CBLIF: variants seen among roughly 807,000 people sequenced by gnomAD.
CBLIF encodes cobalamin binding intrinsic factor.
In CBLIF, 24 loss-of-function variants were observed where a neutral mutation model predicts 44.9. That is an observed-to-expected ratio of 0.53 (90% confidence interval 0.39 to 0.75). CBLIF has a LOEUF of 0.75. Ranked by LOEUF, CBLIF falls within the 30% of genes least tolerant of loss-of-function variation. The pLI, the probability that CBLIF is intolerant of heterozygous loss-of-function variation, is 0.00. For synonymous variants in CBLIF, 183 were observed against 190.9 expected (o/e 0.96, Z 0.34); for missense variants, 481 against 513.0 (o/e 0.94, Z 0.60).
At chr11:59,832,562 C>G (rs755107120) in intron 7 of CBLIF, among the ~76,000 whole-genome samples, 1 of 151,994 alleles carries the variant, frequency 6.6e-6, no homozygotes, top group Non-Finnish European at 1.5e-5. Flanking sequence ...CTGAAGAGGG[C>G]AGATTGCTTG....
chr11:59,836,753 C>T (rs1225935692), intron 6 of CBLIF, among the ~76,000 whole-genome samples: 2 of 152,144 alleles, frequency 1.3e-5, no homozygotes, highest in Non-Finnish European at 2.9e-5. Flanking sequence ...AATACTTACT[C>T]GATTGTCCCA....
chr11:59,830,013 A>T (rs2135080537), intron 8 of CBLIF, among the ~76,000 whole-genome samples: 1 of 152,312 alleles, frequency 6.6e-6, no homozygotes, highest in Non-Finnish European at 1.5e-5. Flanking sequence ...GTAAGACATA[A>T]GAAAGAGCAG....
At chr11:59,831,571 CAT>C in intron 8 of CBLIF, 105 bp downstream of exon 8, 1 of 697,406 alleles carries the variant, frequency 1.4e-6, no homozygotes, top group Non-Finnish European at 2.6e-6. Context: ...CACATGATCT[CAT>C]AATTATTAAT....
chr11:59,839,554 A>C (rs1866496354), intron 5 of CBLIF, among the ~76,000 whole-genome samples: 1 of 152,118 alleles, frequency 6.6e-6, no homozygotes, highest in Non-Finnish European at 1.5e-5. Context: ...GAGCCCTTTG[A>C]TTTTCTATAT....
At chr11:59,833,755 A>G (rs1261731827) in intron 7 of CBLIF, among the ~76,000 whole-genome samples, 2 of 152,300 alleles carry the variant, frequency 1.3e-5, no homozygotes, top group South Asian at 4.1e-4. Flanking sequence ...AAAAGAAAAG[A>G]TGCTTTTTTC....
Position 59,835,903 on chromosome 11 carries a change from C to G in CBLIF, c.978G>C (p.Glu326Asp). The change falls in exon 7 of 9, where the codon GAG becomes GAC. Residue 326 changes from glutamate to aspartate, a missense_variant. Glu to Asp is a conservative substitution (Grantham distance 45). Coordinates refer to ENST00000257248, the MANE Select transcript of CBLIF (RefSeq NM_005142.3). ...CATTGATGGTCTCGTTGAAGAGCAG[C>G]TCAACCCCCCTCAGCTGGTTATTTA... The part of the protein sequence containing the change: ...YTINNQLRGV[E>D]LLFNETINVS... 6.2e-7 allele frequency: 1 copy of G among 1,613,914 alleles called. No homozygotes were observed. Among genetic ancestry groups the G allele is most frequent in the Non-Finnish European group, 8.5e-7 (1 of 1,179,796 alleles).
chr11:59,843,791 TG>T, intron 2 of CBLIF, 87 bp downstream of exon 2: 3 of 963,810 alleles, frequency 3.1e-6, no homozygotes, highest in Non-Finnish European at 5.1e-6. Flanking sequence ...GAGGCAGCAT[TG>T]GGGTGGGAAG....
rs761350186 is a variant in CBLIF at position 59,843,018 on chromosome 11, C to T, written c.370+10G>A. Reference sequence around the variant, plus strand: ...GCCTGACTCTTTTCTCCCTTCCAGTCAGGTCTTACTGGAAGGTGCCCAGTT... The same window carrying T: ...GCCTGACTCTTTTCTCCCTTCCAGTTAGGTCTTACTGGAAGGTGCCCAGTT... On this transcript the variant is annotated intron_variant, in intron 3 of 8. Coordinates refer to ENST00000257248, the MANE Select transcript of CBLIF (RefSeq NM_005142.3). 4 of 1,432,124 alleles carry T rather than the reference C, an allele frequency of 2.8e-6. No individual in the cohort carries two copies. In the African/African-American group the frequency reaches 5.6e-5, roughly 20 times the overall value. The allele number at this position is 1,432,124 out of a possible 1,614,324, so 88.7% of individuals were successfully genotyped here. A position where few individuals can be genotyped will look rare whatever the true frequency, so the allele number is the denominator to read the frequency against.
Position 59,841,826 on chromosome 11 carries a change from C to T in CBLIF, c.512-502G>A, listed in dbSNP as rs79296931. Among the ~76,000 whole-genome samples, 63 of 152,046 alleles carry T rather than the reference C, an allele frequency of 4.1e-4. No homozygotes were observed. The East Asian group carries it at 7.0e-3, about 17-fold the overall frequency. ...AGAGGAGAAAAGGTGATCATGAATG[C>T]GGGCTGTGACAGTGGCCCCCACAGA... On this transcript the variant is annotated intron_variant, in intron 4 of 8. Transcript: ENST00000257248.
In CBLIF at chr11:59,843,880, G is replaced by A. The variant is rs754251539; in HGVS notation, c.255C>T (p.Asn85=). 6 of 1,610,820 alleles carry A rather than the reference G, an allele frequency of 3.7e-6. No homozygotes were observed. The highest frequency in any genetic ancestry group is 3.5e-4 in the Middle Eastern group (2 of 5,696). The change falls in exon 2 of 9, where the codon AAC becomes AAT. Residue 85 remains asparagine, a splice_region_variant and synonymous_variant. Coordinates refer to ENST00000257248, the MANE Select transcript of CBLIF (RefSeq NM_005142.3). The stretch of plus-strand genomic sequence containing the variant: ...GTGCGAGCGGCTCAGATGTCTCACC[G>A]TTGTTGTCGCTGGACATGAGCTGGT... The part of the protein sequence containing the change: ...LTYQLMSSDN[N]DLTIGQLGLT...
intron 7 of CBLIF, 65 bp downstream of exon 7, chr11:59,835,743 T>TG: frequency 7.8e-7 from 1 of 1,276,000 alleles, no homozygotes; most frequent in Non-Finnish European, 1.1e-6. Flanking sequence ...GAAAACAGGA[T>TG]GGATAAAAAA....
chr11:59,836,045 T>G lies in CBLIF; in HGVS notation c.872-36A>C, dbSNP rs199654549. 1.8e-4 allele frequency: 286 copies of G among 1,552,066 alleles called. 1 individual carries two copies. Among genetic ancestry groups the G allele is most frequent in the Admixed American group, 7.0e-4 (42 of 59,942 alleles). On this transcript the variant is annotated intron_variant, in intron 6 of 8. Coordinates refer to ENST00000257248, the MANE Select transcript of CBLIF (RefSeq NM_005142.3). ...CAAAGAGGCCACATTTGTCAAAGAT[T>G]ATGGGGTTTGTATCATAGGTGCAAA...
chr11:59,837,390 G>A (rs867336341), intron 5 of CBLIF, 39 bp from the exon 6 acceptor site: 4 of 1,494,122 alleles, frequency 2.7e-6, no homozygotes, highest in Middle Eastern at 1.7e-4. Context: ...AGAGTAATTA[G>A]GCATAGCTGA....
intron 6 of CBLIF, among the ~76,000 whole-genome samples, chr11:59,836,409 T>A (rs1435099368): frequency 1.3e-5 from 2 of 152,184 alleles, no homozygotes; most frequent in Admixed American, 6.5e-5. Context: ...GTTTGAGGAA[T>A]CCATACCAAA....
intron 7 of CBLIF, among the ~76,000 whole-genome samples, chr11:59,833,000 C>G (rs1866391283): frequency 6.6e-6 from 1 of 151,952 alleles, no homozygotes; most frequent in South Asian, 2.1e-4. Context: ...TGGATCACAC[C>G]TATTTGTAAT....
At chr11:59,840,505 G>C (rs1042635767) in intron 5 of CBLIF, among the ~76,000 whole-genome samples, 3 of 152,154 alleles carry the variant, frequency 2.0e-5, no homozygotes, top group Admixed American at 6.5e-5. Context: ...GGTAGGGTGG[G>C]TTGTTGGATT....
intron 1 of CBLIF, 183 bp downstream of exon 1, chr11:59,845,192 T>C (rs1438570183): frequency 1.3e-5 from 10 of 782,192 alleles, no homozygotes; most frequent in Non-Finnish European, 2.1e-5. Flanking sequence ...ACATATAGAC[T>C]TGTCTCTCAA....
intron 2 of CBLIF, among the ~76,000 whole-genome samples, 176 bp downstream of exon 2, chr11:59,843,703 T>C (rs1866569110): frequency 6.6e-6 from 1 of 152,174 alleles, no homozygotes; most frequent in Non-Finnish European, 1.5e-5. Context: ...CCATGAATGC[T>C]CTGACTTCAC....
chr11:59,836,006 T>C lies in CBLIF; in HGVS notation c.875A>G (p.His292Arg), dbSNP rs750604886. ...DVPQVTCSPD[H>R]EVQPTLPSNP... ...GCTGGGTAGAGTTGGTTGTACCTCA[T>C]GATCTGTGAAGGGCAAAGAGGCCAC... Residue 292 changes from histidine to arginine, a missense_variant, in exon 7 of 9, where the codon CAT (histidine) becomes CGT (arginine). Physicochemically the swap from His to Arg is conservative, Grantham distance 29. Transcript: ENST00000257248. The C allele has an allele frequency of 3.7e-6, 6 of 1,613,732 alleles. No homozygotes were observed. The Admixed American group carries it at 1.0e-4, about 27-fold the overall frequency.
Sources: gnomAD v4.1 joint callset for allele counts (sites outside exome capture counted in the v4.1 genomes callset) on GRCh38, gnomAD v4.1.1 for gene constraint, MANE v1.5 for transcripts, NCBI Gene and HGNC (gene_info 2026-07-23, HGNC 2026-07-21) for gene names.